The following SLC1A2 variants were observed in gnomAD, a reference collection of about 807,000 sequenced individuals.
The protein encoded by SLC1A2 is solute carrier family 1 member 2, also known as excitatory amino acid transporter 2.
In SLC1A2, 15 loss-of-function variants were observed where a neutral mutation model predicts 48.8. The observed-to-expected ratio is 0.31, with a 90% CI of 0.21 to 0.47. The LOEUF (loss-of-function observed/expected upper bound fraction) is 0.47, where lower values mean the gene tolerates loss of function less well. Among genes scored for constraint, SLC1A2 ranks in the 20% least tolerant of loss-of-function variants. The pLI is 0.99. For synonymous variants in SLC1A2, 279 were observed against 272.6 expected (o/e 1.02, Z -0.23); for missense variants, 502 against 730.5 (o/e 0.69, Z 3.61).
At chr11:35,298,315 G>C (rs902806358) in intron 6 of SLC1A2, 5 of 152,070 alleles carry the variant, frequency 3.3e-5, no homozygotes, top group Non-Finnish European at 7.4e-5. Flanking sequence ...CAAGAAGTTA[G>C]TAATTCTAAT....
intron 1 of SLC1A2, among the ~76,000 whole-genome samples, chr11:35,409,802 A>C (rs1855406429): frequency 6.6e-6 from 1 of 152,094 alleles, no homozygotes; most frequent in Admixed American, 6.5e-5. Context: ...CCAGCTACTC[A>C]AGAGGCTGAG....
At chr11:35,350,522 C>T (rs1031620341) in intron 1 of SLC1A2, among the ~76,000 whole-genome samples, 1 of 152,188 alleles carries the variant, frequency 6.6e-6, no homozygotes, top group Non-Finnish European at 1.5e-5. Context: ...TAACTAATAA[C>T]ATGCACAGCT....
chr11:35,355,578 T>C (rs1246081331), intron 1 of SLC1A2, among the ~76,000 whole-genome samples: 2 of 152,156 alleles, frequency 1.3e-5, no homozygotes, highest in African/African-American at 4.8e-5. Flanking sequence ...AGGCCAGTTA[T>C]AGATCCAGTC....
chr11:35,417,618 C>T (rs1158310762), intron 1 of SLC1A2, among the ~76,000 whole-genome samples: 1 of 152,172 alleles, frequency 6.6e-6, no homozygotes, highest in Non-Finnish European at 1.5e-5. Flanking sequence ...CAGGTGTCTT[C>T]CTGAAACATC....
At chr11:35,395,246 G>A (rs1854915225) in intron 1 of SLC1A2, among the ~76,000 whole-genome samples, 1 of 151,806 alleles carries the variant, frequency 6.6e-6, no homozygotes, top group Non-Finnish European at 1.5e-5. Flanking sequence ...GTGACTTCCT[G>A]TCAAAAGTTT....
At chr11:35,377,277 T>C (rs1280309622) in intron 1 of SLC1A2, among the ~76,000 whole-genome samples, 2 of 152,168 alleles carry the variant, frequency 1.3e-5, no homozygotes, top group Non-Finnish European at 2.9e-5. Context: ...AAACCACGTG[T>C]CTCAAGAGAC....
intron 5 of SLC1A2, among the ~76,000 whole-genome samples, chr11:35,305,306 C>G (rs1180467960): frequency 1.3e-5 from 2 of 152,232 alleles, no homozygotes; most frequent in African/African-American, 2.4e-5. Context: ...GGAGAGAGCA[C>G]ATGGCATGTG....
intron 1 of SLC1A2, chr11:35,322,595 C>T: frequency 2.0e-6 from 3 of 1,535,006 alleles, no homozygotes; most frequent in Non-Finnish European, 1.7e-6. Context: ...ACCTCTCCTC[C>T]CTGGCCCCAG....
At chr11:35,399,560 A>G (rs994458839) in intron 1 of SLC1A2, 2 of 972,662 alleles carry the variant, frequency 2.1e-6, no homozygotes, top group Non-Finnish European at 2.4e-6. Context: ...ATAGTTACGA[A>G]CATGAGAATC....
intron 5 of SLC1A2, among the ~76,000 whole-genome samples, chr11:35,305,537 G>A (rs889133244): frequency 3.9e-5 from 6 of 152,168 alleles, no homozygotes; most frequent in Non-Finnish European, 5.9e-5. Flanking sequence ...ACTGGGCTAG[G>A]AGAAAGGGCT....
chr11:35,279,022 A>AAAAAG (rs1850535560), intron 9 of SLC1A2, among the ~76,000 whole-genome samples: 1 of 152,342 alleles, frequency 6.6e-6, no homozygotes, highest in Admixed American at 6.5e-5. Context: ...CCATCTGAAA[A>AAAAAG]AAAAGAAAAA....
intron 1 of SLC1A2, among the ~76,000 whole-genome samples, chr11:35,325,752 C>G (rs1189731973): frequency 6.6e-6 from 1 of 152,050 alleles, no homozygotes; most frequent in East Asian, 1.9e-4. Context: ...TGCCTGAGGT[C>G]AGGAGTTTCA....
Position 35,347,468 on chromosome 11 carries a change from C to A in SLC1A2, c.18-29952G>T, listed in dbSNP as rs1368947686. Among the ~76,000 whole-genome samples the A allele has an allele frequency of 2.0e-5, 3 of 152,214 alleles. No individual in the cohort carries two copies. The East Asian group carries it at 5.8e-4, about 29-fold the overall frequency. The stretch of plus-strand genomic sequence containing the variant: ...AAGTCCAAATCACTGATAGTGGCTG[C>A]TGGAGCAATGTTTTCAGAAGGATTC... On this transcript the variant is annotated intron_variant, in intron 1 of 10. Transcript: ENST00000278379.
intron 1 of SLC1A2, among the ~76,000 whole-genome samples, chr11:35,386,720 A>G (rs1052306469): frequency 6.6e-6 from 1 of 152,202 alleles, no homozygotes; most frequent in Admixed American, 6.5e-5. Context: ...GTGTGTCAGG[A>G]ACTTCTTCAT....
chr11:35,354,861 G>A (rs552636720), intron 1 of SLC1A2, among the ~76,000 whole-genome samples: 51 of 152,246 alleles, frequency 3.3e-4, no homozygotes, highest in African/African-American at 1.2e-3. Context: ...GCCTGGCCTA[G>A]CCCCAACAGA....
intron 1 of SLC1A2, among the ~76,000 whole-genome samples, chr11:35,378,426 G>GC (rs1854310997): frequency 6.6e-6 from 1 of 152,218 alleles, no homozygotes; most frequent in African/African-American, 2.4e-5. Flanking sequence ...AAATATTGAT[G>GC]CTAGCTGGTC....
At chr11:35,282,190 C>A (rs1850660093) in intron 8 of SLC1A2, among the ~76,000 whole-genome samples, 3 of 152,120 alleles carry the variant, frequency 2.0e-5, no homozygotes, top group South Asian at 2.1e-4. Flanking sequence ...TACAGACCCC[C>A]CAACCACACC....
rs555641755 is a variant in SLC1A2 at position 35,286,804 on chromosome 11, G to C, written c.1239C>G (p.Ala413=). The change falls in exon 8 of 11, where the codon GCC becomes GCG. Residue 413 remains alanine, a synonymous_variant. Transcript: ENST00000278379. ...LYEAVAAIFI[A]QMNGVVLDGG... ...CATCCAGGACAACACCATTCATTTG[G>C]GCTATAAAGATGGCGGCTACCGCTT... 41 of 1,613,702 alleles carry C rather than the reference G, an allele frequency of 2.5e-5. No homozygotes were observed. The South Asian group carries it at 4.4e-4, about 17-fold the overall frequency.
At chr11:35,398,040 T>G (rs1855021228) in intron 1 of SLC1A2, among the ~76,000 whole-genome samples, 1 of 152,216 alleles carries the variant, frequency 6.6e-6, no homozygotes, top group African/African-American at 2.4e-5. Flanking sequence ...CAGGCAGGGC[T>G]AAAACCTGGG....
Sources: gnomAD v4.1 joint callset for allele counts (sites outside exome capture counted in the v4.1 genomes callset) on GRCh38, gnomAD v4.1.1 for gene constraint, MANE v1.5 for transcripts, NCBI Gene and HGNC (gene_info 2026-07-23, HGNC 2026-07-21) for gene names.